The following POLR3A variants were observed in gnomAD, a reference collection of about 807,000 sequenced individuals.
POLR3A encodes the protein DNA-directed RNA polymerase III subunit RPC1.
POLR3A carries 112 observed loss-of-function variants against 152.8 expected under a neutral mutation model. The observed-to-expected ratio is 0.73, with a 90% CI of 0.63 to 0.86. The LOEUF (loss-of-function observed/expected upper bound fraction) is 0.86, where lower values mean the gene tolerates loss of function less well. Among genes scored for constraint, POLR3A ranks in the 40% least tolerant of loss-of-function variants. The pLI, the probability that POLR3A is intolerant of heterozygous loss-of-function variation, is 0.00. For synonymous variants in POLR3A, 615 were observed against 652.1 expected (o/e 0.94, Z 0.87); for missense variants, 1,385 against 1,743.1 (o/e 0.79, Z 3.66).
At position 77,977,542 on chromosome 10, in the gene POLR3A, G is replaced by A. The variant is rs756281581; in HGVS notation, c.4109C>T (p.Pro1370Leu). ...GATCAGGGGCCTCTTGGGAGGGTTC[G>A]GGTCCCTGTCAGCCTTGTGAAGCAG... ...FKLLHKADRD[P>L]NPPKRPLIFD... The change falls in exon 31 of 31, where the codon CCG (proline) becomes CTG (leucine). Residue 1370 changes from proline to leucine, a missense_variant. This residue lies in a region of POLR3A where 332 missense variants were observed against 400.1 expected (regional missense o/e 0.83). Transcript: ENST00000372371. 3.7e-6 allele frequency: 6 copies of A among 1,613,990 alleles called. No individual in the cohort carries two copies. The highest frequency in any genetic ancestry group is 1.6e-4 in the Middle Eastern group (1 of 6,062).
Position 78,009,545 on chromosome 10 carries a change from T to A in POLR3A, c.1901A>T (p.Asn634Ile). The change falls in exon 14 of 31, where the codon AAT becomes ATT. Residue 634 changes from asparagine to isoleucine, a missense_variant. Asn to Ile is a moderately radical substitution (Grantham distance 149, BLOSUM62 -3). This residue lies in a region of POLR3A where 188 missense variants were observed against 179.9 expected (regional missense o/e 1.04). Coordinates refer to ENST00000372371, the MANE Select transcript of POLR3A (RefSeq NM_007055.4). ...YCGKGEDLCA[N>I]DSYVTIQNSE... ...GAGTTCCGTCCACTCACAGGAATCA[T>A]TGGCACAGAGATCTTCCCCTTTGCC... The A allele has an allele frequency of 1.2e-6, 2 of 1,614,220 alleles. No homozygotes were observed. Among genetic ancestry groups the A allele is most frequent in the Non-Finnish European group, 1.7e-6 (2 of 1,180,048 alleles).
At chr10:77,996,766 T>C (rs1238087296) in intron 19 of POLR3A, among the ~76,000 whole-genome samples, 1 of 152,184 alleles carries the variant, frequency 6.6e-6, no homozygotes, top group African/African-American at 2.4e-5. Context: ...CTTCTGAAAC[T>C]ACTCCAATCA....
chr10:78,028,050 G>A (rs552950962), intron 1 of POLR3A, among the ~76,000 whole-genome samples: 53 of 152,120 alleles, frequency 3.5e-4, no homozygotes, highest in Non-Finnish European at 6.9e-4. Flanking sequence ...CTAGTGAATG[G>A]CAACCATCCA....
Position 77,976,999 on chromosome 10 carries a change from C to A in POLR3A, c.*479G>T. On this transcript the variant is annotated 3_prime_UTR_variant, in exon 31 of 31. Coordinates refer to ENST00000372371, the MANE Select transcript of POLR3A (RefSeq NM_007055.4). Reference sequence around the variant, plus strand: ...AAATGGAACAAATAAATAATAGTAACAATATTTACATAAGTATGTCACATT... The same window carrying A: ...AAATGGAACAAATAAATAATAGTAAAAATATTTACATAAGTATGTCACATT... 1 of 156,330 alleles carries A rather than the reference C, an allele frequency of 6.4e-6. No individual in the cohort carries two copies. Among genetic ancestry groups the A allele is most frequent in the Non-Finnish European group, 1.4e-5 (1 of 70,320 alleles). The allele number at this position is 156,330 out of a possible 1,614,324, so 9.7% of individuals were successfully genotyped here.
At chr10:77,982,954 A>C (rs1161975112) in intron 26 of POLR3A, 137 bp from the exon 27 acceptor site, 6 of 722,936 alleles carry the variant, frequency 8.3e-6, no homozygotes, top group Non-Finnish European at 1.0e-5. Flanking sequence ...TAATACCATA[A>C]ATATGCTACA....
rs567356433 is a variant in POLR3A at position 77,976,090 on chromosome 10, A to G, written c.*1388T>C. 10 of 151,916 alleles carry G rather than the reference A, an allele frequency of 6.6e-5. No individual in the cohort carries two copies. Among genetic ancestry groups the G allele is most frequent in the African/African-American group, 2.4e-4 (10 of 41,430 alleles). The allele number at this position is 151,916 out of a possible 1,614,324, so 9.4% of individuals were successfully genotyped here. A position where few individuals can be genotyped will look rare whatever the true frequency, so the allele number is the denominator to read the frequency against. On this transcript the variant is annotated 3_prime_UTR_variant, in exon 31 of 31. Coordinates refer to ENST00000372371, the MANE Select transcript of POLR3A (RefSeq NM_007055.4). The stretch of plus-strand genomic sequence containing the variant: ...TGCAGGGAAATCAAAAGGTCAAACT[A>G]TAATTTTTTATAAAAACTAATTTTT...
Position 77,986,064 on chromosome 10 carries a change from G to T in POLR3A, c.2988+9C>A. 1.3e-6 allele frequency: 2 copies of T among 1,584,306 alleles called. No individual in the cohort carries two copies. The highest frequency in any genetic ancestry group is 1.3e-5 in the African/African-American group (1 of 74,350). Reference sequence around the variant, plus strand: ...CTCGGGGTTCTAACGCGTCTTGGAGGGATATTACCTCTGTTGTGCCGTTAT... The same window carrying T: ...CTCGGGGTTCTAACGCGTCTTGGAGTGATATTACCTCTGTTGTGCCGTTAT... On this transcript the variant is annotated intron_variant, in intron 22 of 30. Transcript: ENST00000372371.
chr10:77,981,524 T>C lies in POLR3A; in HGVS notation c.3795A>G (p.Thr1265=). ...EKTLGIEAAR[T]TIINEIQYTM... ...TGTACTGGATTTCATTGATGATCGT[T>C]GTCCGGGCGGCCTCGATGCCCAGAG... Residue 1265 remains threonine (T), a synonymous_variant, in exon 29 of 31, where the codon ACA becomes ACG. Coordinates refer to ENST00000372371, the MANE Select transcript of POLR3A (RefSeq NM_007055.4). The C allele has an allele frequency of 6.2e-7, 1 of 1,614,036 alleles. No homozygotes were observed. Among genetic ancestry groups the C allele is most frequent in the East Asian group, 2.2e-5 (1 of 44,850 alleles).
At chr10:77,995,808 G>C (rs1847295038) in intron 19 of POLR3A, among the ~76,000 whole-genome samples, 1 of 152,122 alleles carries the variant, frequency 6.6e-6, no homozygotes, top group South Asian at 2.1e-4. Flanking sequence ...GCACCAAGCG[G>C]ACCTAATAGA....
chr10:77,985,758 C>A (rs1281575327), intron 23 of POLR3A, 145 bp downstream of exon 23: 10 of 720,362 alleles, frequency 1.4e-5, no homozygotes, highest in Admixed American at 1.2e-4. Flanking sequence ...ATTCATCAGA[C>A]CCCCTACAGA....
intron 11 of POLR3A, among the ~76,000 whole-genome samples, chr10:78,012,154 C>G (rs1291281057): frequency 6.6e-6 from 1 of 152,120 alleles, no homozygotes; most frequent in African/African-American, 2.4e-5. Context: ...CACCTGAGGT[C>G]GGGAGTTCAA....
intron 10 of POLR3A, among the ~76,000 whole-genome samples, chr10:78,014,582 A>G (rs1847501204): frequency 6.6e-6 from 1 of 152,082 alleles, no homozygotes; most frequent in Non-Finnish European, 1.5e-5. Context: ...ACACCAGGCT[A>G]ATTTTTATAT....
chr10:77,995,540 A>G (rs1369283202), intron 19 of POLR3A, among the ~76,000 whole-genome samples: 3 of 152,158 alleles, frequency 2.0e-5, no homozygotes, highest in Admixed American at 6.5e-5. Context: ...ACTTTAAACC[A>G]ACAAAGATCA....
chr10:77,988,809 G>A (rs765083111), intron 21 of POLR3A, among the ~76,000 whole-genome samples: 5 of 152,136 alleles, frequency 3.3e-5, no homozygotes, highest in Non-Finnish European at 5.9e-5. Context: ...GAAAGGTCCC[G>A]AAAGCCCTCT....
At chr10:77,982,930 C>T in intron 26 of POLR3A, 113 bp from the exon 27 acceptor site, 4 of 835,296 alleles carry the variant, frequency 4.8e-6, no homozygotes, top group Admixed American at 3.8e-5. Context: ...CACCCCCCAC[C>T]CGCACCATGA....
intron 30 of POLR3A, 49 bp from the exon 31 acceptor site, chr10:77,977,675 A>G: frequency 2.6e-6 from 4 of 1,528,530 alleles, no homozygotes; most frequent in Non-Finnish European, 3.6e-6. Flanking sequence ...CACAAGGTAC[A>G]TTTTCACGAA....
In POLR3A at chr10:78,004,727, C is replaced by A. The variant is rs1847393807; in HGVS notation, c.2236G>T (p.Glu746Ter). The stretch of plus-strand genomic sequence containing the variant: ...AGGGCCGGGCTCACCTCCAGGGTCT[C>A]CTCAGCAGTGCAGCCAGGCTGCTGC... ...LQQQPGCTAE[E>*]TLEALILKEL... Residue 746 changes from glutamate (E) to a stop codon, truncating the protein, a stop_gained, in exon 16 of 31, where the codon GAG becomes TAG. Coordinates refer to ENST00000372371, the MANE Select transcript of POLR3A (RefSeq NM_007055.4). LOFTEE classifies it high-confidence loss of function. 1 of 1,613,342 alleles carries A rather than the reference C, an allele frequency of 6.2e-7. No individual in the cohort carries two copies. The highest frequency in any genetic ancestry group is 8.5e-7 in the Non-Finnish European group (1 of 1,179,888).
intron 10 of POLR3A, among the ~76,000 whole-genome samples, chr10:78,014,481 A>G (rs1847500241): frequency 6.6e-6 from 1 of 152,092 alleles, no homozygotes; most frequent in African/African-American, 2.4e-5. Context: ...CAATGGTGCA[A>G]TCTCGGCTCA....
At position 78,004,274 on chromosome 10, in the gene POLR3A, A is replaced by T. The variant is rs563606514; in HGVS notation, c.2247+442T>A. ...TCTCAAACAAAAACAAAAACAAAAA[A>T]AACCAAACCCCCAAAAACCAAAGAG... On this transcript the variant is annotated intron_variant, in intron 16 of 30. Transcript: ENST00000372371. Among the ~76,000 whole-genome samples the T allele has an allele frequency of 6.8e-4, 103 of 152,186 alleles. 1 individual carries two copies. Among genetic ancestry groups the T allele is most frequent in the African/African-American group, 2.2e-3 (92 of 41,522 alleles).
Sources: gnomAD v4.1 joint callset for allele counts (sites outside exome capture counted in the v4.1 genomes callset) on GRCh38, gnomAD v4.1.1 for gene constraint, gnomAD v4.1.1 regional missense constraint, MANE v1.5 for transcripts, NCBI Gene and HGNC (gene_info 2026-07-23, HGNC 2026-07-21) for gene names.